The following MICU1 variants were observed in gnomAD, a reference collection of about 807,000 sequenced individuals.
MICU1 encodes calcium uptake protein 1, mitochondrial.
MICU1 carries 45 observed loss-of-function variants against 56.8 expected under a neutral mutation model. The ratio of observed to expected loss-of-function variants is 0.79; its 90% CI spans 0.62 to 1.02. The LOEUF (loss-of-function observed/expected upper bound fraction) is 1.02. Among genes scored for constraint, MICU1 ranks in the 50% least tolerant of loss-of-function variants. The pLI is 0.00. For synonymous variants in MICU1, 186 were observed against 195.1 expected (o/e 0.95, Z 0.39); for missense variants, 504 against 587.1 (o/e 0.86, Z 1.46).
At chr10:72,506,633 G>T (rs1322558396) in intron 6 of MICU1, among the ~76,000 whole-genome samples, 1 of 152,082 alleles carries the variant, frequency 6.6e-6, no homozygotes, top group Non-Finnish European at 1.5e-5. Context: ...CTAAATATTA[G>T]GCACTAAACT....
At chr10:72,599,792 T>C (rs1841476418) in intron 1 of MICU1, among the ~76,000 whole-genome samples, 1 of 152,154 alleles carries the variant, frequency 6.6e-6, no homozygotes, top group Admixed American at 6.5e-5. Context: ...AAATTCATTC[T>C]CCAAGTTTAT....
In MICU1 at chr10:72,378,448, T is replaced by G. The variant is rs527508802; in HGVS notation, c.1181-2576A>C. Among the ~76,000 whole-genome samples, 21 of 152,280 alleles carry G rather than the reference T, an allele frequency of 1.4e-4. 1 individual carries two copies. The East Asian group carries it at 4.1e-3, about 29-fold the overall frequency. On this transcript the variant is annotated intron_variant, in intron 10 of 11. Transcript: ENST00000361114. ...ACCTCCCACCTCTCTCTCTTCCTCC[T>G]GCTCTGGCCATGTGAGACGTGCCTC...
chr10:72,601,351 G>A (rs1455526630), intron 1 of MICU1, among the ~76,000 whole-genome samples: 5 of 150,610 alleles, frequency 3.3e-5, no homozygotes, highest in Non-Finnish European at 7.4e-5. Flanking sequence ...TTGAGTCCAG[G>A]AGGTCAAGGT....
At chr10:72,563,752 G>C (rs1840355889) in intron 2 of MICU1, among the ~76,000 whole-genome samples, 1 of 152,156 alleles carries the variant, frequency 6.6e-6, no homozygotes, top group Admixed American at 6.6e-5. Context: ...ATTGAAACCA[G>C]AGACGATGAG....
chr10:72,505,323 G>A (rs1194840810), intron 6 of MICU1, among the ~76,000 whole-genome samples: 3 of 152,042 alleles, frequency 2.0e-5, no homozygotes, highest in East Asian at 1.9e-4. Flanking sequence ...AGATGCTGAC[G>A]AGGCTGCAGA....
intron 1 of MICU1, among the ~76,000 whole-genome samples, chr10:72,621,781 TACAC>T (rs1477858534): frequency 6.6e-6 from 1 of 152,170 alleles, no homozygotes; most frequent in East Asian, 1.9e-4. Flanking sequence ...ACAGTACAGA[TACAC>T]ACACTGGAAG....
intron 8 of MICU1, among the ~76,000 whole-genome samples, chr10:72,464,535 A>C (rs1050253262): frequency 6.6e-6 from 1 of 152,176 alleles, no homozygotes; most frequent in Non-Finnish European, 1.5e-5. Context: ...ATTTCAGTAC[A>C]GTAACATGCT....
At chr10:72,375,231 C>T (rs554655226) in intron 11 of MICU1, among the ~76,000 whole-genome samples, 80 of 152,122 alleles carry the variant, frequency 5.3e-4, no homozygotes, top group Admixed American at 2.2e-3. Flanking sequence ...TGTAAGCATC[C>T]GTTGTTATTG....
intron 1 of MICU1, among the ~76,000 whole-genome samples, chr10:72,586,971 T>C (rs549637746): frequency 2.6e-5 from 4 of 152,142 alleles, no homozygotes; most frequent in Non-Finnish European, 5.9e-5. Flanking sequence ...TGCCTAAACT[T>C]CAAAATAATA....
intron 8 of MICU1, among the ~76,000 whole-genome samples, chr10:72,446,479 C>T (rs962822146): frequency 6.6e-6 from 1 of 151,810 alleles, no homozygotes; most frequent in South Asian, 2.1e-4. Flanking sequence ...TACAGGTGTC[C>T]GCTACCATGC....
chr10:72,547,923 C>T (rs572312689), intron 4 of MICU1, among the ~76,000 whole-genome samples: 6 of 152,334 alleles, frequency 3.9e-5, no homozygotes, highest in African/African-American at 1.2e-4. Flanking sequence ...ACAACCAGAG[C>T]TCAACTCCCC....
chr10:72,611,942 ACTGTG>A (rs1841861388), intron 1 of MICU1, among the ~76,000 whole-genome samples: 1 of 149,664 alleles, frequency 6.7e-6, no homozygotes, highest in African/African-American at 2.5e-5. Flanking sequence ...CTACACAGTG[ACTGTG>A]AATAGCCACT....
chr10:72,520,243 C>G (rs974863980), intron 5 of MICU1, among the ~76,000 whole-genome samples: 1 of 152,060 alleles, frequency 6.6e-6, no homozygotes, highest in Admixed American at 6.6e-5. Flanking sequence ...AATGCTTACA[C>G]TTCATTATCT....
chr10:72,579,098 T>C lies in MICU1; in HGVS notation c.-1-12304A>G, dbSNP rs577364288. Among the ~76,000 whole-genome samples the C allele has an allele frequency of 2.0e-5, 3 of 152,352 alleles. No homozygotes were observed. The East Asian group carries it at 5.8e-4, about 29-fold the overall frequency. On this transcript the variant is annotated intron_variant, in intron 1 of 11. Transcript: ENST00000361114. The stretch of plus-strand genomic sequence containing the variant: ...AAAATACCATCACTCTCCCTAGAAG[T>C]AACCTCAGAAAGCAGTTTAGTAAAC...
In MICU1 at chr10:72,547,383, T is replaced by G. The variant is rs567686800; in HGVS notation, c.493+3796A>C. Among the ~76,000 whole-genome samples the G allele has an allele frequency of 3.9e-5, 6 of 152,164 alleles. No homozygotes were observed. The South Asian group carries it at 1.2e-3, about 32-fold the overall frequency. ...TCAATGCAATTAATGAGAAGTTTTATATACCTTTCATTTCTTTCTAATTAT... is the reference window on the plus strand; with the variant it reads ...TCAATGCAATTAATGAGAAGTTTTAGATACCTTTCATTTCTTTCTAATTAT... On this transcript the variant is annotated intron_variant, in intron 4 of 11. Transcript: ENST00000361114.
chr10:72,562,147 C>CTTTTTTTTTT lies in MICU1; in HGVS notation c.330+738_330+747dup, dbSNP rs533702573. Among the ~76,000 whole-genome samples, 27 of 82,648 alleles carry CTTTTTTTTTT rather than the reference C, an allele frequency of 3.3e-4. 2 individuals carry two copies. Among genetic ancestry groups the CTTTTTTTTTT allele is most frequent in the South Asian group, 4.7e-4 (1 of 2,114 alleles). The allele number at this position is 82,648 out of a possible 152,430, so 54.2% of individuals were successfully genotyped here. Reference sequence around the variant, plus strand: ...GCAGGTTGTGTTAATTACATAAAATCTTTTTTTTTTTTTTTTTTTTTTTTG... The same window carrying CTTTTTTTTTT: ...GCAGGTTGTGTTAATTACATAAAATCTTTTTTTTTTTTTTTTTTTTTTTTTTTTTTTTTTG... On this transcript the variant is annotated intron_variant, in intron 3 of 11. Transcript: ENST00000361114.
At chr10:72,378,447 C>T (rs1360680540) in intron 10 of MICU1, among the ~76,000 whole-genome samples, 1 of 152,104 alleles carries the variant, frequency 6.6e-6, no homozygotes, top group Non-Finnish European at 1.5e-5. Context: ...TCTCTTCCTC[C>T]TGCTCTGGCC....
chr10:72,559,284 G>A (rs145205516), intron 3 of MICU1, among the ~76,000 whole-genome samples: 1,976 of 152,210 alleles, frequency 0.013, 20 homozygotes, highest in Non-Finnish European at 0.022. Flanking sequence ...AGGGACTGAA[G>A]GGGAGTATAA....
At chr10:72,602,494 A>G (rs1220525806) in intron 1 of MICU1, among the ~76,000 whole-genome samples, 1 of 152,102 alleles carries the variant, frequency 6.6e-6, no homozygotes, top group Non-Finnish European at 1.5e-5. Flanking sequence ...TAAATGGCCT[A>G]TGTAAATATC....
Sources: allele counts gnomAD v4.1 joint callset (sites outside exome capture counted in the v4.1 genomes callset), GRCh38; gene constraint gnomAD v4.1.1; transcripts MANE v1.5; gene names NCBI Gene and HGNC (gene_info 2026-07-23, HGNC 2026-07-21).